The following SLF1 variants were observed in gnomAD, a reference collection of about 807,000 sequenced individuals.
SLF1 encodes the protein SMC5-SMC6 complex localization factor protein 1.
A neutral mutation model predicts 123.0 loss-of-function variants in SLF1; 105 were observed. That is an observed-to-expected ratio of 0.85 (90% confidence interval 0.73 to 1.00). The LOEUF is 1.00. SLF1 is among the 50% of genes least tolerant of loss of function. SLF1 has a pLI of 0.00. For missense variants in SLF1, 1,239 were observed against 1,223.0 expected (o/e 1.01, Z -0.20); for synonymous variants, 434 against 406.6 (o/e 1.07, Z -0.81).
At position 94,670,880 on chromosome 5, in the gene SLF1, A is replaced by T; in HGVS notation, c.1699A>T (p.Thr567Ser). ...DWSDSQNLKITGKAMLLEIFW... is the reference protein window; with the variant it reads ...DWSDSQNLKISGKAMLLEIFW... ...GTCAGATTCTCAGAATCTGAAAATAACAGGAAAGGCAATGCTTCTTGAAAT... is the reference window on the plus strand; with the variant it reads ...GTCAGATTCTCAGAATCTGAAAATATCAGGAAAGGCAATGCTTCTTGAAAT... The change falls in exon 14 of 21, where the codon ACA (threonine) becomes TCA (serine). Residue 567 changes from threonine to serine, a missense_variant. Transcript: ENST00000265140. 6.5e-7 allele frequency: 1 copy of T among 1,550,096 alleles called. No homozygotes were observed. Among genetic ancestry groups the T allele is most frequent in the Non-Finnish European group, 8.7e-7 (1 of 1,145,918 alleles).
chr5:94,636,176 G>A (rs1745750677), intron 4 of SLF1, among the ~76,000 whole-genome samples: 1 of 152,026 alleles, frequency 6.6e-6, no homozygotes, highest in Non-Finnish European at 1.5e-5. Context: ...ACTCTTGTAG[G>A]TGATATGTTT....
At chr5:94,639,839 A>C (rs767147379) in intron 4 of SLF1, among the ~76,000 whole-genome samples, 1 of 152,200 alleles carries the variant, frequency 6.6e-6, no homozygotes, top group Non-Finnish European at 1.5e-5. Flanking sequence ...CAAGGGTAGC[A>C]GAGGCAAAAG....
At chr5:94,671,428 T>C (rs911704161) in intron 14 of SLF1, among the ~76,000 whole-genome samples, 1 of 151,714 alleles carries the variant, frequency 6.6e-6, no homozygotes, top group Non-Finnish European at 1.5e-5. Context: ...TTCTGAAATA[T>C]TTGTTTATAA....
intron 1 of SLF1, 31 bp from the exon 2 acceptor site, chr5:94,628,780 A>G: frequency 7.1e-7 from 1 of 1,412,978 alleles, no homozygotes; most frequent in Non-Finnish European, 9.6e-7. Context: ...TCTTTAACAC[A>G]CATTATCTTC....
At chr5:94,689,860 T>C (rs1296127401) in intron 18 of SLF1, among the ~76,000 whole-genome samples, 2 of 152,158 alleles carry the variant, frequency 1.3e-5, no homozygotes, top group South Asian at 2.1e-4. Context: ...TGAAACACAG[T>C]GTAGCATTCA....
At chr5:94,656,177 A>T (rs547057895) in intron 9 of SLF1, among the ~76,000 whole-genome samples, 3 of 151,982 alleles carry the variant, frequency 2.0e-5, no homozygotes, top group Non-Finnish European at 4.4e-5. Flanking sequence ...TTTTATTAAA[A>T]GCTTTTTTGC....
intron 7 of SLF1, among the ~76,000 whole-genome samples, chr5:94,653,005 G>A (rs987965555): frequency 6.6e-6 from 1 of 152,092 alleles, no homozygotes; most frequent in Non-Finnish European, 1.5e-5. Flanking sequence ...TTACAGGCAT[G>A]TGCCACCACG....
At chr5:94,654,183 C>A (rs1315715798) in intron 8 of SLF1, among the ~76,000 whole-genome samples, 3 of 151,544 alleles carry the variant, frequency 2.0e-5, no homozygotes, top group African/African-American at 7.3e-5. Context: ...AAATAAATAC[C>A]TAAATACATA....
At chr5:94,672,914 A>G (rs1212491241) in intron 14 of SLF1, among the ~76,000 whole-genome samples, 1 of 152,196 alleles carries the variant, frequency 6.6e-6, no homozygotes, top group Non-Finnish European at 1.5e-5. Flanking sequence ...ATACGTGATA[A>G]AGACCAGAGT....
intron 18 of SLF1, 99 bp downstream of exon 18, chr5:94,689,705 T>TC: frequency 9.2e-7 from 1 of 1,082,742 alleles, no homozygotes; most frequent in Non-Finnish European, 1.3e-6. Context: ...TACTTGAACT[T>TC]AAATATTGGA....
intron 15 of SLF1, among the ~76,000 whole-genome samples, chr5:94,683,472 G>A (rs754971908): frequency 2.0e-5 from 3 of 152,132 alleles, no homozygotes; most frequent in Non-Finnish European, 2.9e-5. Context: ...ATATAAATAT[G>A]TCATTTAAAA....
chr5:94,664,833 T>C (rs1749556583), intron 11 of SLF1, among the ~76,000 whole-genome samples: 1 of 152,340 alleles, frequency 6.6e-6, no homozygotes, highest in Middle Eastern at 3.4e-3. Flanking sequence ...TCAGGACCTT[T>C]GTGGATACTG....
chr5:94,689,502 C>G lies in SLF1; in HGVS notation c.2315C>G (p.Ser772Ter). Reference sequence around the variant, plus strand: ...CTGAACCTTGCTAAATGTTCCTCATCATTAAAAAAATTGAAAAAGAAGTCA... The same window carrying G: ...CTGAACCTTGCTAAATGTTCCTCATGATTAAAAAAATTGAAAAAGAAGTCA... ...LDLNLAKCSS[S>*]LKKLKKKSEG... The change falls in exon 18 of 21, where the codon TCA (serine) becomes TGA (stop). Residue 772 changes from serine (S) to a stop codon, truncating the protein, a stop_gained. Transcript: ENST00000265140. LOFTEE classifies it high-confidence loss of function. 2 of 1,612,314 alleles carry G rather than the reference C, an allele frequency of 1.2e-6. No homozygotes were observed. Among genetic ancestry groups the G allele is most frequent in the Non-Finnish European group, 1.7e-6 (2 of 1,179,048 alleles).
intron 14 of SLF1, among the ~76,000 whole-genome samples, chr5:94,677,372 G>T (rs2152492842): frequency 6.6e-6 from 1 of 152,160 alleles, no homozygotes; most frequent in East Asian, 1.9e-4. Context: ...CATGTGAAAA[G>T]GTTTTAATAA....
intron 1 of SLF1, among the ~76,000 whole-genome samples, chr5:94,627,666 T>C (rs1744670171): frequency 6.9e-6 from 1 of 145,072 alleles, no homozygotes. Context: ...AGGATTATTA[T>C]GTGTACCCAC....
intron 4 of SLF1, among the ~76,000 whole-genome samples, chr5:94,631,565 C>T (rs1745199971): frequency 6.6e-6 from 1 of 152,156 alleles, no homozygotes; most frequent in African/African-American, 2.4e-5. Context: ...TAAGATTCAT[C>T]CATTTTGTGT....
In SLF1 at chr5:94,692,238, C is replaced by G. The variant is rs1246611207; in HGVS notation, c.2677C>G (p.Leu893Val). The G allele has an allele frequency of 1.2e-6, 2 of 1,613,546 alleles. No homozygotes were observed. The highest frequency in any genetic ancestry group is 2.2e-5 in the East Asian group (1 of 44,858). The stretch of plus-strand genomic sequence containing the variant: ...AAACGGACATGTAGAAATTGGCAAG[C>G]TGCTACTACAGCATGGGGGTGAGTG... ...LSNGHVEIGK[L>V]LLQHGGPVLL... The change falls in exon 20 of 21, where the codon CTG becomes GTG. Residue 893 changes from leucine (L) to valine (V), a missense_variant. Transcript: ENST00000265140.
intron 15 of SLF1, among the ~76,000 whole-genome samples, chr5:94,683,099 GT>G (rs201012737): frequency 6.6e-6 from 1 of 151,274 alleles, no homozygotes; most frequent in African/African-American, 2.4e-5. Flanking sequence ...TTTACTATAG[GT>G]TTTTTTTTCA....
intron 1 of SLF1, 34 bp from the exon 2 acceptor site, chr5:94,628,777 C>A: frequency 1.5e-6 from 2 of 1,373,188 alleles, no homozygotes; most frequent in Non-Finnish European, 2.0e-6. Flanking sequence ...ATATCTTTAA[C>A]ACACATTATC....
Sources: allele counts gnomAD v4.1 joint callset (sites outside exome capture counted in the v4.1 genomes callset), GRCh38; gene constraint gnomAD v4.1.1; transcripts MANE v1.5; gene names NCBI Gene and HGNC (gene_info 2026-07-23, HGNC 2026-07-21).